IQGAP3: variants seen among roughly 807,000 people sequenced by gnomAD.
IQGAP3 encodes IQ motif containing GTPase activating protein 3.
In IQGAP3, 165 loss-of-function variants were observed where a neutral mutation model predicts 208.2. The observed-to-expected ratio is 0.79, with a 90% CI of 0.70 to 0.90. The LOEUF (loss-of-function observed/expected upper bound fraction) is 0.90. Among genes scored for constraint, IQGAP3 ranks in the 40% least tolerant of loss-of-function variants. The pLI, the probability that IQGAP3 is intolerant of heterozygous loss-of-function variation, is 0.00. For synonymous variants in IQGAP3, 703 were observed against 803.6 expected (o/e 0.87, Z 2.12); for missense variants, 1,811 against 2,043.1 (o/e 0.89, Z 2.19).
chr1:156,539,122 G>T, intron 25 of IQGAP3, 89 bp from the exon 26 acceptor site: 1 of 1,155,296 alleles, frequency 8.7e-7, no homozygotes, highest in Non-Finnish European at 1.3e-6. Flanking sequence ...GGCTCTCAAA[G>T]CCTGCCCTGG....
At chr1:156,530,029 T>A in intron 34 of IQGAP3, 76 bp downstream of exon 34, 1 of 1,217,550 alleles carries the variant, frequency 8.2e-7, no homozygotes, top group Non-Finnish European at 1.2e-6. Flanking sequence ...CCACCAACAC[T>A]ATGGATTAAC....
intron 1 of IQGAP3, among the ~76,000 whole-genome samples, chr1:156,571,738 A>G (rs560636230): frequency 6.6e-6 from 1 of 152,354 alleles, no homozygotes; most frequent in South Asian, 2.1e-4. Context: ...TTTTCCTTTA[A>G]CAGAAGACTG....
In IQGAP3 at chr1:156,537,250, G is replaced by C. The variant is rs879118100; in HGVS notation, c.3353C>G (p.Ala1118Gly). 17 of 1,613,906 alleles carry C rather than the reference G, an allele frequency of 1.1e-5. No individual in the cohort carries two copies. The South Asian group carries it at 1.9e-4, about 18-fold the overall frequency. The change falls in exon 27 of 38, where the codon GCC becomes GGC. Residue 1118 changes from alanine (A) to glycine (G), a missense_variant. By Grantham distance (60) the Ala-to-Gly change is moderately conservative. Transcript: ENST00000361170. ...HPEVQRRLDIALRNLLAMTDK... is the reference protein window; with the variant it reads ...HPEVQRRLDIGLRNLLAMTDK... ...AGTCATGGCGAGGAGGTTGCGTAGGGCGATGTCCAGTCGTCTCTGGACCTC... is the reference window on the plus strand; with the variant it reads ...AGTCATGGCGAGGAGGTTGCGTAGGCCGATGTCCAGTCGTCTCTGGACCTC...
Position 156,569,417 on chromosome 1 carries a change from A to G in IQGAP3, c.84T>C (p.Asn28=), listed in dbSNP as rs2102450777. Residue 28 remains asparagine (N), a synonymous_variant, in exon 2 of 38, where the codon AAT becomes AAC. Transcript: ENST00000361170. ...AEEMDEQRRQ[N]VAYQYLCRLE... The stretch of plus-strand genomic sequence containing the variant: ...GCCGGCACAGGTACTGATAGGCAAC[A>G]TTCTGCCGCCTCTGCTCATCCATCT... The G allele has an allele frequency of 6.2e-7, 1 of 1,613,024 alleles. No homozygotes were observed. The highest frequency in any genetic ancestry group is 1.1e-5 in the South Asian group (1 of 90,888).
Position 156,551,787 on chromosome 1 carries a change from G to A in IQGAP3, c.1652C>T (p.Ala551Val). ...GAGGCTGACATCATCTAGGCCAGCT[G>A]CAGGAAGCAGTAGGGCAGACAGAGT... ...EKTLSALLLP[A>V]AGLDDVSLPV... Residue 551 changes from alanine to valine, a missense_variant, in exon 15 of 38, where the codon GCA becomes GTA. Physicochemically the swap from Ala to Val is moderately conservative, Grantham distance 64 (BLOSUM62 0). Coordinates refer to ENST00000361170, the MANE Select transcript of IQGAP3 (RefSeq NM_178229.5). 2 of 1,614,034 alleles carry A rather than the reference G, an allele frequency of 1.2e-6. No individual in the cohort carries two copies. Among genetic ancestry groups the A allele is most frequent in the Non-Finnish European group, 8.5e-7 (1 of 1,179,998 alleles).
At position 156,534,500 on chromosome 1, in the gene IQGAP3, C is replaced by T; in HGVS notation, c.3740+1G>A. ...GGACAGAGAGGAAAGGGACCCAAGACCTGAACTTGAGGTGTGTTTCCTCCA... is the reference window on the plus strand; with the variant it reads ...GGACAGAGAGGAAAGGGACCCAAGATCTGAACTTGAGGTGTGTTTCCTCCA... On this transcript the variant is annotated splice_donor_variant, in intron 29 of 37. Coordinates refer to ENST00000361170, the MANE Select transcript of IQGAP3 (RefSeq NM_178229.5). LOFTEE classifies it high-confidence loss of function. 6.4e-7 allele frequency: 1 copy of T among 1,560,018 alleles called. No homozygotes were observed. The highest frequency in any genetic ancestry group is 1.7e-4 in the Middle Eastern group (1 of 5,718).
Position 156,526,113 on chromosome 1 carries a change from A to G in IQGAP3, c.*373T>C. The G allele has an allele frequency of 4.9e-6, 1 of 202,934 alleles. No individual in the cohort carries two copies. The highest frequency in any genetic ancestry group is 1.0e-5 in the Non-Finnish European group (1 of 97,086). 12.6% of individuals were successfully genotyped at this position (202,934 alleles called of 1,614,324 possible). ...GTGGGAGTGCAGAGAGAAGGAAGGCAGAGGGGAAATCAAGCCGCTGGGGCA... is the reference window on the plus strand; with the variant it reads ...GTGGGAGTGCAGAGAGAAGGAAGGCGGAGGGGAAATCAAGCCGCTGGGGCA... On this transcript the variant is annotated 3_prime_UTR_variant, in exon 38 of 38. Transcript: ENST00000361170.
chr1:156,554,799 T>G (rs1316108711), intron 12 of IQGAP3, among the ~76,000 whole-genome samples: 1 of 152,214 alleles, frequency 6.6e-6, no homozygotes, highest in Non-Finnish European at 1.5e-5. Context: ...GGCTCACACC[T>G]GTAATCCTAG....
Position 156,534,687 on chromosome 1 carries a change from A to C in IQGAP3, c.3554T>G (p.Val1185Gly). ...CACAATGTCGAAGGCGTCAGGAGCC[A>C]CCACAGCTGGGTTCAGGAAGCGGTA... ...LYYRFLNPAV[V>G]APDAFDIVAM... Residue 1185 changes from valine (V) to glycine (G), a missense_variant, in exon 29 of 38, where the codon GTG becomes GGG. By Grantham distance (109) the Val-to-Gly change is moderately radical. Coordinates refer to ENST00000361170, the MANE Select transcript of IQGAP3 (RefSeq NM_178229.5). The C allele has an allele frequency of 2.5e-6, 4 of 1,609,340 alleles. No individual in the cohort carries two copies. The highest frequency in any genetic ancestry group is 3.4e-6 in the Non-Finnish European group (4 of 1,178,470).
At chr1:156,544,564 G>T in intron 19 of IQGAP3, 92 bp from the exon 20 acceptor site, 1 of 1,034,798 alleles carries the variant, frequency 9.7e-7, no homozygotes, top group Non-Finnish European at 1.5e-6. Context: ...GCCCTCCAGG[G>T]AATGGAAGGG....
At chr1:156,530,066 G>A (rs1299758133) in intron 34 of IQGAP3, 39 bp downstream of exon 34, 32 of 1,483,822 alleles carry the variant, frequency 2.2e-5, no homozygotes, top group African/African-American at 5.6e-5. Flanking sequence ...ACACACACAC[G>A]TACACACAGG....
intron 13 of IQGAP3, 91 bp downstream of exon 13, chr1:156,554,144 G>A (rs555714262): frequency 4.8e-6 from 7 of 1,452,644 alleles, no homozygotes; most frequent in South Asian, 2.8e-5. Flanking sequence ...ATGGGACATC[G>A]TACACAAGGC....
At chr1:156,543,737 G>A (rs923743076) in intron 22 of IQGAP3, among the ~76,000 whole-genome samples, 3 of 152,012 alleles carry the variant, frequency 2.0e-5, no homozygotes, top group Non-Finnish European at 4.4e-5. Context: ...GTAGCAATAG[G>A]CAGATAATCT....
rs1243941913 is a variant in IQGAP3, at chr1:156,530,070, A to C, written c.4404+35T>G. 2.0e-6 allele frequency: 3 copies of C among 1,513,328 alleles called. No individual in the cohort carries two copies. In the Admixed American group the frequency reaches 5.8e-5, roughly 29 times the overall value. 93.7% of individuals were successfully genotyped at this position (1,513,328 alleles called of 1,614,324 possible). On this transcript the variant is annotated intron_variant, in intron 34 of 37. Transcript: ENST00000361170. ...TATGCACGCACACACACACACGTAC[A>C]CACAGGCACACGGAGCCCAGGCCCA...
intron 15 of IQGAP3, among the ~76,000 whole-genome samples, 175 bp from the exon 16 acceptor site, chr1:156,550,526 G>T (rs567421473): frequency 3.2e-4 from 49 of 152,232 alleles, no homozygotes; most frequent in African/African-American, 1.1e-3. Flanking sequence ...GGTTCCCTGG[G>T]ACGCGGCCAG....
chr1:156,537,052 T>A, intron 27 of IQGAP3, 129 bp downstream of exon 27: 1 of 996,756 alleles, frequency 1.0e-6, no homozygotes, highest in Non-Finnish European at 1.5e-6. Context: ...GGAACCCCTC[T>A]GAGTACCCCT....
At chr1:156,567,087 A>T (rs1490756176) in intron 2 of IQGAP3, among the ~76,000 whole-genome samples, 1 of 152,000 alleles carries the variant, frequency 6.6e-6, no homozygotes, top group Non-Finnish European at 1.5e-5. Flanking sequence ...GGCTGGTCTC[A>T]AACTCCCGAC....
chr1:156,568,002 C>A (rs932113296), intron 2 of IQGAP3, among the ~76,000 whole-genome samples: 2 of 152,122 alleles, frequency 1.3e-5, no homozygotes, highest in African/African-American at 4.8e-5. Flanking sequence ...GTTGGTTTCA[C>A]CTAAACTCCC....
rs193023008 is a variant in IQGAP3 at position 156,567,114 on chromosome 1, G to A, written c.126-568C>T. The stretch of plus-strand genomic sequence containing the variant: ...ACTCCCGACCTCAGGTGATCCGCCC[G>A]CCTTGGCCTCCCAAAGTGCTGGGAT... On this transcript the variant is annotated intron_variant, in intron 2 of 37. Transcript: ENST00000361170. 3.9e-3 allele frequency among the ~76,000 whole-genome samples: 596 copies of A among 152,222 alleles called. 1 individual carries two copies. The highest frequency in any genetic ancestry group is 0.014 in the African/African-American group (565 of 41,532).
Sources: allele counts gnomAD v4.1 joint callset (sites outside exome capture counted in the v4.1 genomes callset), GRCh38; gene constraint gnomAD v4.1.1; transcripts MANE v1.5; gene names NCBI Gene and HGNC (gene_info 2026-07-23, HGNC 2026-07-21).